Variants in KHDRBS2 observed in about 807,000 individuals in gnomAD.
The protein encoded by KHDRBS2 is KH domain-containing, RNA-binding, signal transduction-associated protein 2.
In KHDRBS2, 26 loss-of-function variants were observed where a neutral mutation model predicts 44.3. The ratio of observed to expected loss-of-function variants is 0.59; its 90% CI spans 0.43 to 0.81. KHDRBS2 has a LOEUF of 0.81. Ranked by LOEUF, KHDRBS2 falls within the 40% of genes least tolerant of loss-of-function variation. The probability of loss-of-function intolerance (pLI) is 0.00; values close to 1 mark genes in which losing one functional copy is unlikely to be tolerated. For synonymous variants in KHDRBS2, 194 were observed against 151.1 expected (o/e 1.28, Z -2.08); for missense variants, 476 against 433.1 (o/e 1.10, Z -0.88).
intron 3 of KHDRBS2, among the ~76,000 whole-genome samples, chr6:62,031,888 T>C (rs1197353930): frequency 6.6e-6 from 1 of 151,974 alleles, no homozygotes; most frequent in Non-Finnish European, 1.5e-5. Flanking sequence ...TGAACAAACA[T>C]AGGCAGTAGC....
chr6:61,556,872 ATTTTT>A, the KHDRBS2 span, among the ~76,000 whole-genome samples: 163 of 87,464 alleles, frequency 1.9e-3, no homozygotes, highest in African/African-American at 6.5e-3. Flanking sequence ...TGAAATTGAG[ATTTTT>A]TTTTTTTTTT....
chr6:61,937,407 T>C (rs1811232699), intron 4 of KHDRBS2, among the ~76,000 whole-genome samples: 1 of 152,106 alleles, frequency 6.6e-6, no homozygotes, highest in Non-Finnish European at 1.5e-5. Flanking sequence ...TCTACTACTC[T>C]TCTAGTTGTT....
chr6:62,213,400 G>A (rs903062779), intron 1 of KHDRBS2, among the ~76,000 whole-genome samples: 16 of 152,026 alleles, frequency 1.1e-4, no homozygotes, highest in Admixed American at 8.5e-4. Context: ...CTCTTTTAGG[G>A]ATCCAGCAGA....
At chr6:61,630,911 G>C in the KHDRBS2 span, among the ~76,000 whole-genome samples, 1 of 151,994 alleles carries the variant, frequency 6.6e-6, no homozygotes, top group East Asian at 1.9e-4. Flanking sequence ...TGTATTCTGT[G>C]GTTTTTTAGA....
At chr6:62,063,776 C>A (rs1461644147) in intron 2 of KHDRBS2, among the ~76,000 whole-genome samples, 1 of 126,732 alleles carries the variant, frequency 7.9e-6, no homozygotes, top group Non-Finnish European at 1.7e-5. Context: ...GAAGTTCTGG[C>A]CAGGGCAATT....
At chr6:62,205,323 T>C (rs945086776) in intron 1 of KHDRBS2, among the ~76,000 whole-genome samples, 2 of 152,104 alleles carry the variant, frequency 1.3e-5, no homozygotes, top group African/African-American at 4.8e-5. Flanking sequence ...TGAGGCAAAA[T>C]GAAAGATATT....
At chr6:61,876,879 T>A (rs1202999482) in intron 6 of KHDRBS2, among the ~76,000 whole-genome samples, 3 of 152,164 alleles carry the variant, frequency 2.0e-5, no homozygotes, top group Admixed American at 1.3e-4. Flanking sequence ...CTTTTTGCCA[T>A]CATTGCCGAA....
intron 2 of KHDRBS2, among the ~76,000 whole-genome samples, chr6:62,171,474 AAGAG>A (rs746371186): frequency 4.1e-4 from 63 of 152,124 alleles, no homozygotes; most frequent in Admixed American, 2.0e-4. Context: ...GCATCCCTGA[AAGAG>A]AGAGAGAAAG....
At chr6:61,567,759 C>G in the KHDRBS2 span, among the ~76,000 whole-genome samples, 1 of 152,112 alleles carries the variant, frequency 6.6e-6, no homozygotes, top group Non-Finnish European at 1.5e-5. Flanking sequence ...AATACTCTCT[C>G]TTTCCCTTTC....
At chr6:61,626,505 A>T in the KHDRBS2 span, among the ~76,000 whole-genome samples, 89,873 of 152,096 alleles carry the variant, frequency 0.59, 26,771 homozygotes, top group African/African-American at 0.61. Flanking sequence ...GCATTTGTCT[A>T]ACAAGAAAGA....
At chr6:62,036,580 T>G (rs1305206997) in intron 3 of KHDRBS2, among the ~76,000 whole-genome samples, 4 of 152,034 alleles carry the variant, frequency 2.6e-5, no homozygotes, top group Non-Finnish European at 5.9e-5. Flanking sequence ...ATCCATTTTC[T>G]ATTTATTTAA....
chr6:61,669,503 T>C, the KHDRBS2 span, among the ~76,000 whole-genome samples: 1 of 150,876 alleles, frequency 6.6e-6, no homozygotes, highest in African/African-American at 2.4e-5. Context: ...AAAGAGAACA[T>C]TATAAAAATG....
chr6:61,566,913 ACTTT>A, the KHDRBS2 span, among the ~76,000 whole-genome samples: 15 of 152,196 alleles, frequency 9.9e-5, no homozygotes, highest in Non-Finnish European at 2.1e-4. Flanking sequence ...GTCAAGAAAG[ACTTT>A]CTTTAAGACT....
chr6:62,114,617 C>A (rs1470190853), intron 2 of KHDRBS2, among the ~76,000 whole-genome samples: 1 of 152,072 alleles, frequency 6.6e-6, no homozygotes, highest in Non-Finnish European at 1.5e-5. Context: ...GTATTATAAA[C>A]AATGACAAAA....
intron 5 of KHDRBS2, among the ~76,000 whole-genome samples, chr6:61,900,243 GA>G (rs1002765662): frequency 1.8e-4 from 27 of 151,768 alleles, no homozygotes; most frequent in African/African-American, 5.8e-4. Flanking sequence ...AGATATTTTT[GA>G]TTTAAGTGTT....
rs75265666 is a variant in KHDRBS2, at chr6:62,224,325, T to C, written c.92-47013A>G. Among the ~76,000 whole-genome samples the C allele has an allele frequency of 2.5e-3, 381 of 152,210 alleles. 17 individuals carry two copies. The East Asian group carries it at 0.066, about 26-fold the overall frequency. On this transcript the variant is annotated intron_variant, in intron 1 of 8. Coordinates refer to ENST00000281156, the MANE Select transcript of KHDRBS2 (RefSeq NM_152688.4). Reference sequence around the variant, plus strand: ...GAAACTGCCTCCATGATTGAAATCATCTCCCACCAGATCCCTCCCAAAACA... The same window carrying C: ...GAAACTGCCTCCATGATTGAAATCACCTCCCACCAGATCCCTCCCAAAACA...
At chr6:62,035,660 G>C (rs1276158552) in intron 3 of KHDRBS2, among the ~76,000 whole-genome samples, 2 of 151,968 alleles carry the variant, frequency 1.3e-5, no homozygotes, top group African/African-American at 4.8e-5. Context: ...TGGATTGTTT[G>C]TAATACAAAG....
rs376459996 is a variant in KHDRBS2 at position 62,109,892 on chromosome 6, T to C, written c.220-61898A>G. Among the ~76,000 whole-genome samples the C allele has an allele frequency of 1.2e-4, 18 of 152,040 alleles. No homozygotes were observed. In the East Asian group the frequency reaches 3.3e-3, roughly 28 times the overall value. On this transcript the variant is annotated intron_variant, in intron 2 of 8. Transcript: ENST00000281156. ...AAAAATTAACTAAAAATAGATTCCA[T>C]ACTTTAATTTAAAACATAAAACTAT...
At chr6:62,054,445 T>C (rs1313034332) in intron 2 of KHDRBS2, among the ~76,000 whole-genome samples, 1 of 152,042 alleles carries the variant, frequency 6.6e-6, no homozygotes, top group Non-Finnish European at 1.5e-5. Flanking sequence ...CCCCTAAAGA[T>C]GTCCATGTTC....
Sources: gnomAD v4.1 joint callset for allele counts (sites outside exome capture counted in the v4.1 genomes callset) on GRCh38, gnomAD v4.1.1 for gene constraint, MANE v1.5 for transcripts, NCBI Gene and HGNC (gene_info 2026-07-23, HGNC 2026-07-21) for gene names.